Variants in PLSCR5 observed in about 807,000 individuals in gnomAD.
The protein encoded by PLSCR5 is phospholipid scramblase family, member 5.
In PLSCR5, 44 loss-of-function variants were observed where a neutral mutation model predicts 33.6. That is an observed-to-expected ratio of 1.31 (90% CI 1.03 to 1.69). The LOEUF is 1.69. PLSCR5 is among the 40% of genes most tolerant of loss of function. The pLI is 0.00. For synonymous variants in PLSCR5, 148 were observed against 112.3 expected (o/e 1.32, Z -2.01); for missense variants, 375 against 318.7 (o/e 1.18, Z -1.34).
At chr3:146,580,544 A>C (rs1223726601) in intron 7 of PLSCR5, among the ~76,000 whole-genome samples, 2 of 138,088 alleles carry the variant, frequency 1.4e-5, no homozygotes, top group Non-Finnish European at 3.0e-5. Context: ...GGCTCACTGC[A>C]ATCTCGGCCT....
intron 7 of PLSCR5, among the ~76,000 whole-genome samples, chr3:146,578,613 T>C (rs2044614241): frequency 6.6e-6 from 1 of 152,148 alleles, no homozygotes; most frequent in Non-Finnish European, 1.5e-5. Flanking sequence ...CATTGATTTT[T>C]TTCATCTGTA....
Position 146,595,067 on chromosome 3 carries a change from A to G in PLSCR5, c.206T>C (p.Ile69Thr). Residue 69 changes from isoleucine (I) to threonine (T), a missense_variant, in exon 3 of 8, where the codon ATA becomes ACA. Transcript: ENST00000443512. Reference protein sequence around the residue: ...EYLSQLDLIIIHQQVELLGMI... With the variant: ...EYLSQLDLIITHQQVELLGMI... ...TCCAAGCAGCTCCACCTGCTGGTGT[A>G]TAATTATCAGGTCTAACTGTAAAGG... 2 of 1,434,260 alleles carry G rather than the reference A, an allele frequency of 1.4e-6. No homozygotes were observed. Among genetic ancestry groups the G allele is most frequent in the Middle Eastern group, 1.9e-4 (1 of 5,264 alleles). 88.8% of individuals were successfully genotyped at this position (1,434,260 alleles called of 1,614,324 possible).
chr3:146,589,444 G>A lies in PLSCR5; in HGVS notation c.777+209C>T, dbSNP rs193268473. Among the ~76,000 whole-genome samples, 4 of 152,190 alleles carry A rather than the reference G, an allele frequency of 2.6e-5. No homozygotes were observed. The South Asian group carries it at 8.3e-4, about 32-fold the overall frequency. On this transcript the variant is annotated intron_variant, in intron 6 of 7. Transcript: ENST00000443512. The stretch of plus-strand genomic sequence containing the variant: ...GATAACACTTCAATCTTTGAGAAAG[G>A]GGATATGAGATCACTGAAGAGGGGC...
chr3:146,589,549 T>C (rs2044692969), intron 6 of PLSCR5, 104 bp downstream of exon 6: 16 of 1,121,928 alleles, frequency 1.4e-5, no homozygotes, highest in Non-Finnish European at 1.8e-5. Context: ...GAATAAAATA[T>C]ACTCTTTGGG....
intron 6 of PLSCR5, among the ~76,000 whole-genome samples, chr3:146,589,133 A>G (rs2044688473): frequency 6.6e-6 from 1 of 152,182 alleles, no homozygotes; most frequent in Non-Finnish European, 1.5e-5. Context: ...TATAATTGTA[A>G]GTTGGAAAGT....
chr3:146,579,423 C>A (rs1161294797), intron 7 of PLSCR5, among the ~76,000 whole-genome samples: 1 of 152,134 alleles, frequency 6.6e-6, no homozygotes, highest in East Asian at 1.9e-4. Flanking sequence ...AGTTTGTTTT[C>A]ATTTTGAAAA....
intron 1 of PLSCR5, 61 bp downstream of exon 1, chr3:146,605,139 A>C: frequency 6.6e-7 from 1 of 1,512,382 alleles, no homozygotes; most frequent in Non-Finnish European, 9.1e-7. Flanking sequence ...ACACATCCAC[A>C]ATTGTATATT....
At chr3:146,589,305 CA>C (rs2044689952) in intron 6 of PLSCR5, among the ~76,000 whole-genome samples, 2 of 152,046 alleles carry the variant, frequency 1.3e-5, no homozygotes. Flanking sequence ...CAGGATAAAT[CA>C]TGTGATATTT....
chr3:146,595,040 C>A lies in PLSCR5; in HGVS notation c.232+1G>T. 7.0e-7 allele frequency: 1 copy of A among 1,429,776 alleles called. No homozygotes were observed. Among genetic ancestry groups the A allele is most frequent in the Non-Finnish European group, 9.3e-7 (1 of 1,075,892 alleles). 88.6% of individuals were successfully genotyped at this position (1,429,776 alleles called of 1,614,324 possible). A position where few individuals can be genotyped will look rare whatever the true frequency, so the allele number is the denominator to read the frequency against. On this transcript the variant is annotated splice_donor_variant, in intron 3 of 7. Coordinates refer to ENST00000443512, the MANE Select transcript of PLSCR5 (RefSeq NM_001085420.2). LOFTEE classifies it high-confidence loss of function. Reference sequence around the variant, plus strand: ...ATATGTAATATATATAATGCACTTACTTCCAAGCAGCTCCACCTGCTGGTG... The same window carrying A: ...ATATGTAATATATATAATGCACTTAATTCCAAGCAGCTCCACCTGCTGGTG...
chr3:146,580,352 C>T (rs1379491869), intron 7 of PLSCR5, among the ~76,000 whole-genome samples: 1 of 115,282 alleles, frequency 8.7e-6, no homozygotes, highest in Non-Finnish European at 1.8e-5. Flanking sequence ...ACTTTTCCTA[C>T]AGCAGTTCAT....
intron 2 of PLSCR5, among the ~76,000 whole-genome samples, chr3:146,597,235 T>C (rs1341210282): frequency 1.3e-5 from 2 of 152,140 alleles, no homozygotes. Flanking sequence ...TTTAATTGAA[T>C]AACTACCATA....
intron 5 of PLSCR5, among the ~76,000 whole-genome samples, chr3:146,591,424 T>A (rs936208771): frequency 6.6e-6 from 1 of 152,076 alleles, no homozygotes; most frequent in East Asian, 1.9e-4. Context: ...GCTTTTATTA[T>A]AGTAAAATTT....
In PLSCR5 at chr3:146,600,723, T is replaced by C. The variant is rs141008125; in HGVS notation, c.14-260A>G. ...AAATAAAAGACTTTAGAAAAAAATA[T>C]GCATATGTGTATATGTATCTGTATA... On this transcript the variant is annotated intron_variant, in intron 1 of 7. Transcript: ENST00000443512. Among the ~76,000 whole-genome samples the C allele has an allele frequency of 6.7e-3, 1,015 of 151,272 alleles. 11 individuals are homozygous for C. The highest frequency in any genetic ancestry group is 0.023 in the African/African-American group (971 of 41,372).
intron 7 of PLSCR5, among the ~76,000 whole-genome samples, chr3:146,579,134 T>C (rs2044617417): frequency 6.6e-6 from 1 of 152,042 alleles, no homozygotes; most frequent in Non-Finnish European, 1.5e-5. Flanking sequence ...TGGCAAAAAT[T>C]TCACAGCATA....
chr3:146,579,689 T>C (rs887260771), intron 7 of PLSCR5, among the ~76,000 whole-genome samples: 5 of 152,180 alleles, frequency 3.3e-5, no homozygotes, highest in Non-Finnish European at 1.5e-5. Context: ...AGTTTCCGAG[T>C]TTCAATACAG....
intron 4 of PLSCR5, 30 bp downstream of exon 4, chr3:146,593,890 C>A (rs760250646): frequency 4.4e-6 from 7 of 1,583,968 alleles, no homozygotes; most frequent in Non-Finnish European, 8.7e-7. Flanking sequence ...TCTTAAAAAT[C>A]AAAAAGGACA....
At position 146,591,774 on chromosome 3, in the gene PLSCR5, C is replaced by T. The variant is rs754150241; in HGVS notation, c.561G>A (p.Leu187=). 1.2e-6 allele frequency: 2 copies of T among 1,612,002 alleles called. No homozygotes were observed. The highest frequency in any genetic ancestry group is 1.7e-6 in the Non-Finnish European group (2 of 1,178,868). ...TIQNANKEDI[L]KIVGPCVTCG... ...ATGTCACACAAGGACCAACAATTTT[C>T]AAAATATCTTCTTTGTTTGCATTTT... The change falls in exon 5 of 8, where the codon TTG becomes TTA. Residue 187 remains leucine (L), a synonymous_variant. Coordinates refer to ENST00000443512, the MANE Select transcript of PLSCR5 (RefSeq NM_001085420.2).
At chr3:146,583,810 T>TA (rs540767574), downstream of PLSCR5, among the ~76,000 whole-genome samples, 60 of 152,270 alleles carry the variant, frequency 3.9e-4, no homozygotes, top group East Asian at 9.7e-3. Context: ...CATTTAATAT[T>TA]AAAAAAAGTC....
chr3:146,595,312 G>C (rs1378736767), intron 2 of PLSCR5, among the ~76,000 whole-genome samples: 2 of 151,974 alleles, frequency 1.3e-5, no homozygotes, highest in African/African-American at 4.8e-5. Flanking sequence ...AGGCAGCATT[G>C]AGCAAGAATA....
Sources: gnomAD v4.1 joint callset for allele counts (sites outside exome capture counted in the v4.1 genomes callset) on GRCh38, gnomAD v4.1.1 for gene constraint, MANE v1.5 for transcripts, NCBI Gene and HGNC (gene_info 2026-07-23, HGNC 2026-07-21) for gene names.